RELCH: variants seen among roughly 807,000 people sequenced by gnomAD.
RELCH encodes the protein RAB11-binding protein RELCH.
A neutral mutation model predicts 150.3 loss-of-function variants in RELCH; 41 were observed. The ratio of observed to expected loss-of-function variants is 0.27; its 90% confidence interval spans 0.21 to 0.35. The LOEUF (loss-of-function observed/expected upper bound fraction) is 0.35, where lower values mean the gene tolerates loss of function less well. Ranked by LOEUF, RELCH falls within the 10% of genes least tolerant of loss-of-function variation. The pLI, the probability that RELCH is intolerant of heterozygous loss-of-function variation, is 1.00. For missense variants in RELCH, 1,092 were observed against 1,467.8 expected, an observed-to-expected ratio of 0.74 and a Z score of 4.18; for synonymous variants, 478 against 531.8, an observed-to-expected ratio of 0.90 and a Z score of 1.39.
chr18:62,231,206 T>G lies in RELCH; in HGVS notation c.1461T>G (p.Pro487=), dbSNP rs775754300. The change falls in exon 9 of 29, where the codon CCT becomes CCG. Residue 487 remains proline, a synonymous_variant. Transcript: ENST00000644646. Reference sequence around the variant, plus strand: ...CATTTTCTTCTAGGAAATTGTCTCCTGCATTCCATCAAGCACTACTCTCTT... The same window carrying G: ...CATTTTCTTCTAGGAAATTGTCTCCGGCATTCCATCAAGCACTACTCTCTT... The part of the protein sequence containing the change: ...HFDKPNRKLS[P]AFHQALLSFC... The G allele has an allele frequency of 1.2e-6, 2 of 1,600,744 alleles. No individual in the cohort carries two copies. The highest frequency in any genetic ancestry group is 1.7e-6 in the Non-Finnish European group (2 of 1,169,898).
chr18:62,251,866 T>C (rs1188519000), intron 11 of RELCH, among the ~76,000 whole-genome samples: 1 of 152,132 alleles, frequency 6.6e-6, no homozygotes, highest in Non-Finnish European at 1.5e-5. Context: ...AGATTCAGCC[T>C]CATACCTATA....
At chr18:62,273,035 GC>G (rs1214222514) in intron 20 of RELCH, among the ~76,000 whole-genome samples, 1 of 146,508 alleles carries the variant, frequency 6.8e-6, no homozygotes, top group East Asian at 2.0e-4. Context: ...TGATTATGTA[GC>G]AAAAAAAAAA....
At chr18:62,265,643 A>G (rs540501891) in intron 18 of RELCH, among the ~76,000 whole-genome samples, 6 of 152,168 alleles carry the variant, frequency 3.9e-5, no homozygotes, top group Admixed American at 6.6e-5. Context: ...ATAGTATGCT[A>G]TAAGGAACTG....
At chr18:62,262,822 A>C (rs922592444) in intron 16 of RELCH, among the ~76,000 whole-genome samples, 2 of 152,006 alleles carry the variant, frequency 1.3e-5, no homozygotes, top group Non-Finnish European at 2.9e-5. Context: ...GAGTGGCTTA[A>C]ACAACAGAAA....
At chr18:62,287,202 A>G (rs2044852063) in intron 25 of RELCH, 149 bp from the exon 26 acceptor site, 6 of 569,656 alleles carry the variant, frequency 1.1e-5, no homozygotes, top group African/African-American at 2.0e-5. Context: ...GTTAAGAAAA[A>G]GCAAGTATAA....
intron 20 of RELCH, among the ~76,000 whole-genome samples, chr18:62,272,319 CT>C (rs2043948430): frequency 6.6e-6 from 1 of 152,084 alleles, no homozygotes. Context: ...TATTCTCTCT[CT>C]TTTTTACCCT....
chr18:62,193,751 T>A (rs563104291), intron 1 of RELCH, among the ~76,000 whole-genome samples: 1 of 152,360 alleles, frequency 6.6e-6, no homozygotes, highest in South Asian at 2.1e-4. Context: ...GACGTGCTGC[T>A]GGCTTCGATT....
intron 11 of RELCH, chr18:62,246,913 G>T (rs557205333): frequency 2.0e-5 from 3 of 152,290 alleles, no homozygotes; most frequent in South Asian, 2.1e-4. Flanking sequence ...AGCCCTAGAA[G>T]TACACAGTAA....
chr18:62,226,425 A>G (rs2041221220), intron 5 of RELCH, among the ~76,000 whole-genome samples: 1 of 152,122 alleles, frequency 6.6e-6, no homozygotes, highest in African/African-American at 2.4e-5. Context: ...ATTTGTAATA[A>G]TATGAATTAT....
At chr18:62,224,663 T>C (rs1489749685) in intron 5 of RELCH, among the ~76,000 whole-genome samples, 1 of 152,064 alleles carries the variant, frequency 6.6e-6, no homozygotes, top group African/African-American at 2.4e-5. Context: ...TCAATAGTAT[T>C]AAAAAATAGG....
rs573859482 is a variant in RELCH, at chr18:62,274,946, C to A, written c.2868-428C>A. ...GTTTCTATGTTTTTTGAGACGGAGT[C>A]TCGCTCTGTCACCAGGCTAGAGTGC... On this transcript the variant is annotated intron_variant, in intron 21 of 28. Coordinates refer to ENST00000644646, the MANE Select transcript of RELCH (RefSeq NM_001346231.2). Among the ~76,000 whole-genome samples the A allele has an allele frequency of 1.2e-4, 19 of 152,178 alleles. No homozygotes were observed. In the South Asian group the frequency reaches 1.9e-3, roughly 15 times the overall value.
chr18:62,267,484 A>ATGTATG (rs1194225158), intron 19 of RELCH, among the ~76,000 whole-genome samples: 5 of 135,750 alleles, frequency 3.7e-5, no homozygotes, highest in Admixed American at 7.3e-5. Context: ...CTAGGTATAT[A>ATGTATG]TGTGTGTGTG....
chr18:62,228,479 A>G lies in RELCH; in HGVS notation c.1329A>G (p.Glu443=). The change falls in exon 8 of 29, where the codon GAA becomes GAG. Residue 443 remains glutamate (E), a synonymous_variant. Coordinates refer to ENST00000644646, the MANE Select transcript of RELCH (RefSeq NM_001346231.2). ...NTDIHLSISD[E]ADSTIPKENS... ...ACATCCATCTTTCAATATCAGATGA[A>G]GCTGATTCCACTATTCCTAAAGAGA... The G allele has an allele frequency of 6.2e-7, 1 of 1,613,422 alleles. No homozygotes were observed. Among genetic ancestry groups the G allele is most frequent in the South Asian group, 1.1e-5 (1 of 91,068 alleles).
Position 62,306,926 on chromosome 18 carries a change from C to T in RELCH, c.*1392C>T, listed in dbSNP as rs2045896648. On this transcript the variant is annotated 3_prime_UTR_variant, in exon 29 of 29. Transcript: ENST00000644646. ...TTACCATACATTCAAGTTTATAAAA[C>T]AATTTGCCATAGGCAAAGCCATTTA... The T allele has an allele frequency of 6.6e-6, 1 of 152,618 alleles. No individual in the cohort carries two copies. The highest frequency in any genetic ancestry group is 2.1e-4 in the South Asian group (1 of 4,838). 9.5% of individuals were successfully genotyped at this position (152,618 alleles called of 1,614,324 possible).
chr18:62,298,097 C>CCG (rs1555760097), intron 27 of RELCH, among the ~76,000 whole-genome samples: 1 of 151,188 alleles, frequency 6.6e-6, no homozygotes, highest in African/African-American at 2.4e-5. Flanking sequence ...GCTTTATCCC[C>CCG]CCCCGTCTAA....
chr18:62,243,111 T>C (rs989384588), intron 10 of RELCH, among the ~76,000 whole-genome samples: 2 of 152,042 alleles, frequency 1.3e-5, no homozygotes, highest in Admixed American at 6.6e-5. Flanking sequence ...ATCCTTAAGG[T>C]TCTACTCTCA....
chr18:62,258,699 T>C (rs1158154990), intron 15 of RELCH, 23 bp downstream of exon 15: 3 of 1,524,098 alleles, frequency 2.0e-6, no homozygotes, highest in Non-Finnish European at 2.7e-6. Context: ...TTTGTTTATA[T>C]AGTTTGTAGA....
chr18:62,232,143 T>C (rs1040875890), intron 9 of RELCH, among the ~76,000 whole-genome samples, 189 bp from the exon 10 acceptor site: 7 of 151,892 alleles, frequency 4.6e-5, no homozygotes, highest in Non-Finnish European at 7.4e-5. Flanking sequence ...TGGATGTTGA[T>C]TGGAGCACTG....
At chr18:62,240,756 C>T (rs925931708) in intron 10 of RELCH, among the ~76,000 whole-genome samples, 2 of 152,086 alleles carry the variant, frequency 1.3e-5, no homozygotes, top group African/African-American at 4.8e-5. Context: ...ATACACATTA[C>T]TGAGTACTCT....
Sources: allele counts gnomAD v4.1 joint callset (sites outside exome capture counted in the v4.1 genomes callset), GRCh38; gene constraint gnomAD v4.1.1; transcripts MANE v1.5; gene names NCBI Gene and HGNC (gene_info 2026-07-23, HGNC 2026-07-21).